The following PTPRN variants were observed in gnomAD, a reference collection of about 807,000 sequenced individuals.
PTPRN encodes receptor-type tyrosine-protein phosphatase-like N.
In PTPRN, 70 loss-of-function variants were observed where a neutral mutation model predicts 108.5. That is an observed-to-expected ratio of 0.65 (90% CI 0.53 to 0.79). PTPRN has a LOEUF of 0.79. Ranked by LOEUF, PTPRN falls within the 30% of genes least tolerant of loss-of-function variation. The pLI is 0.00. For missense variants in PTPRN, 1,136 were observed against 1,295.5 expected (o/e 0.88, Z 1.89); for synonymous variants, 496 against 524.6 (o/e 0.95, Z 0.75).
In PTPRN at chr2:219,296,466, C is replaced by T; in HGVS notation, c.2361G>A (p.Leu787=). ...GCCAGAAGTCTGCGATGGTATGGGA[C>T]AGCGGGCCCTGCGTGGCTATGTAGG... The part of the protein sequence containing the change: ...MPAYIATQGP[L]SHTIADFWQM... Residue 787 remains leucine (L), a synonymous_variant, in exon 17 of 23, where the codon CTG becomes CTA. Coordinates refer to ENST00000295718, the MANE Select transcript of PTPRN (RefSeq NM_002846.4). The surrounding 1 kb of genome is among the most constrained non-coding windows in gnomAD (Gnocchi z 6.0). 1 of 1,614,188 alleles carries T rather than the reference C, an allele frequency of 6.2e-7. No homozygotes were observed.
At chr2:219,293,505 T>A (rs1420511348) in intron 19 of PTPRN, among the ~76,000 whole-genome samples, 2 of 152,120 alleles carry the variant, frequency 1.3e-5, no homozygotes, top group Admixed American at 1.3e-4. Context: ...TAAGCAACAG[T>A]TTATTTGTTC....
chr2:219,308,732 A>C, intron 1 of PTPRN: 1 of 949,440 alleles, frequency 1.1e-6, no homozygotes, highest in Non-Finnish European at 1.4e-6. Context: ...CGCTGCAATC[A>C]GCTTCTCTAG....
Position 219,302,352 on chromosome 2 carries a change from G to A in PTPRN, c.779C>T (p.Ser260Phe). The A allele has an allele frequency of 6.2e-7, 1 of 1,613,768 alleles. No homozygotes were observed. Among genetic ancestry groups the A allele is most frequent in the South Asian group, 1.1e-5 (1 of 91,034 alleles). ...KGIFGDHPGHSYGDLPGPSPA... is the reference protein window; with the variant it reads ...KGIFGDHPGHFYGDLPGPSPA... ...TGAAGGCCCTGGAAGGTCCCCGTAG[G>A]AGTGGCCAGGGTGGTCCCCAAATAT... The change falls in exon 6 of 23, where the codon TCC becomes TTC. Residue 260 changes from serine (S) to phenylalanine (F), a missense_variant. Coordinates refer to ENST00000295718, the MANE Select transcript of PTPRN (RefSeq NM_002846.4).
At position 219,299,110 on chromosome 2, in the gene PTPRN, C is replaced by T. The variant is rs1404011733; in HGVS notation, c.1605G>A (p.Gly535=). Residue 535 remains glycine, a splice_region_variant and synonymous_variant, in exon 12 of 23, where the codon GGG becomes GGA. Coordinates refer to ENST00000295718, the MANE Select transcript of PTPRN (RefSeq NM_002846.4). The stretch of plus-strand genomic sequence containing the variant: ...GTGCTTCCAGTTCAGACTTCACCAG[C>T]CCTGCAGGGAGGACAAAGGTCAGGC... ...LSLADVTQQA[G]LVKSELEAQT... 6.2e-7 allele frequency: 1 copy of T among 1,614,222 alleles called. No individual in the cohort carries two copies. The highest frequency in any genetic ancestry group is 1.1e-5 in the South Asian group (1 of 91,084).
Position 219,302,717 on chromosome 2 carries a change from T to A in PTPRN, c.498A>T (p.Gly166=), listed in dbSNP as rs369607132. The A allele has an allele frequency of 3.4e-4, 543 of 1,613,348 alleles. 6 individuals are homozygous for A. In the South Asian group the frequency reaches 5.6e-3, roughly 17 times the overall value. Residue 166 remains glycine (G), a synonymous_variant, in exon 5 of 23, where the codon GGA becomes GGT. Transcript: ENST00000295718. The part of the protein sequence containing the change: ...RLPQPPVGKG[G]AGASSSLSPL... ...GGGACAGAGAGGAGCTGGCCCCAGC[T>A]CCACCTTTGCCCACTGGTGGTTGTG... is the stretch of plus-strand genomic sequence containing the variant.
In PTPRN at chr2:219,297,486, G is replaced by A; in HGVS notation, c.1888-53C>T. On this transcript the variant is annotated intron_variant, in intron 13 of 22. Coordinates refer to ENST00000295718, the MANE Select transcript of PTPRN (RefSeq NM_002846.4). The surrounding 1 kb of genome is among the most constrained non-coding windows in gnomAD (Gnocchi z 6.0). ...AAGAGTCCCCTGAAACTTTTCAACAGGGCCCTGGGTTCAACTCTGGGCTCC... is the reference window on the plus strand; with the variant it reads ...AAGAGTCCCCTGAAACTTTTCAACAAGGCCCTGGGTTCAACTCTGGGCTCC... 4 of 1,570,050 alleles carry A rather than the reference G, an allele frequency of 2.5e-6. No individual in the cohort carries two copies. Among genetic ancestry groups the A allele is most frequent in the Non-Finnish European group, 3.5e-6 (4 of 1,143,694 alleles).
intron 3 of PTPRN, among the ~76,000 whole-genome samples, chr2:219,306,860 C>T (rs1035349203): frequency 6.6e-6 from 1 of 152,238 alleles, no homozygotes; most frequent in Non-Finnish European, 1.5e-5. Context: ...CCTTAACCAC[C>T]TGATTTCCTC....
chr2:219,296,084 A>G lies in PTPRN; in HGVS notation c.2508+142T>C. 3 of 1,178,412 alleles carry G rather than the reference A, an allele frequency of 2.5e-6. No homozygotes were observed. The highest frequency in any genetic ancestry group is 3.7e-6 in the Non-Finnish European group (3 of 821,224). The allele number at this position is 1,178,412 out of a possible 1,614,324, so 73.0% of individuals were successfully genotyped here. ...CATATATGTGTTTATATATATTCAT[A>G]TATGTATGAATCATGAGCAGGGCCA... On this transcript the variant is annotated intron_variant, in intron 18 of 22. Coordinates refer to ENST00000295718, the MANE Select transcript of PTPRN (RefSeq NM_002846.4). This position sits in a 1 kb window ranked among gnomAD's most constrained non-coding sequence, Gnocchi z 6.0.
Position 219,290,424 on chromosome 2 carries a change from G to A in PTPRN, c.2868+114C>T. Reference sequence around the variant, plus strand: ...CTGGGAGGAAGGGAGCCCTCCTGGAGGAGGCGCAGAAGCAGGTGGGAAAGG... The same window carrying A: ...CTGGGAGGAAGGGAGCCCTCCTGGAAGAGGCGCAGAAGCAGGTGGGAAAGG... On this transcript the variant is annotated intron_variant, in intron 22 of 22. Coordinates refer to ENST00000295718, the MANE Select transcript of PTPRN (RefSeq NM_002846.4). This position sits in a 1 kb window ranked among gnomAD's most constrained non-coding sequence, Gnocchi z 4.2. The A allele has an allele frequency of 7.2e-7, 1 of 1,390,934 alleles. No homozygotes were observed. The highest frequency in any genetic ancestry group is 1.0e-6 in the Non-Finnish European group (1 of 1,002,762). The allele number at this position is 1,390,934 out of a possible 1,614,324, so 86.2% of individuals were successfully genotyped here.
Position 219,296,665 on chromosome 2 carries a change from T to C in PTPRN, c.2310+84A>G. On this transcript the variant is annotated intron_variant, in intron 16 of 22. Transcript: ENST00000295718. This position sits in a 1 kb window ranked among gnomAD's most constrained non-coding sequence, Gnocchi z 6.0. ...CCACCACTCCAGGGGGTTGGTGGGG[T>C]GGCAGGTGACCACGGGGAAATGGAG... is the stretch of plus-strand genomic sequence containing the variant. 1 of 1,570,122 alleles carries C rather than the reference T, an allele frequency of 6.4e-7. No individual in the cohort carries two copies. The highest frequency in any genetic ancestry group is 8.7e-7 in the Non-Finnish European group (1 of 1,147,602).
rs556028313 is a variant in PTPRN at position 219,307,910 on chromosome 2, G to A, written c.116-68C>T. 15 of 1,471,120 alleles carry A rather than the reference G, an allele frequency of 1.0e-5. No individual in the cohort carries two copies. In the South Asian group the frequency reaches 1.5e-4, roughly 15 times the overall value. 91.1% of individuals were successfully genotyped at this position (1,471,120 alleles called of 1,614,324 possible). A position where few individuals can be genotyped will look rare whatever the true frequency, so the allele number is the denominator to read the frequency against. On this transcript the variant is annotated intron_variant, in intron 1 of 22. Coordinates refer to ENST00000295718, the MANE Select transcript of PTPRN (RefSeq NM_002846.4). Reference sequence around the variant, plus strand: ...AGAGAATGGGCAGATGGGTGGACAGGCTGGGAACGGGAGAAGCAGATGCAA... The same window carrying A: ...AGAGAATGGGCAGATGGGTGGACAGACTGGGAACGGGAGAAGCAGATGCAA...
rs1952568074 is a variant in PTPRN, at chr2:219,309,294, G to A, written c.39C>T (p.Ser13=). The change falls in exon 1 of 23, where the codon TCC becomes TCT. Residue 13 remains serine (S), a synonymous_variant. Transcript: ENST00000295718. ...RPRRPGGLGG[S]GGLRLLLCLL... ...GGCAGAGGAGCAGCCGGAGACCCCCGGATCCCCCGAGACCCCCAGGCCGCC... is the reference window on the plus strand; with the variant it reads ...GGCAGAGGAGCAGCCGGAGACCCCCAGATCCCCCGAGACCCCCAGGCCGCC... The A allele has an allele frequency of 2.7e-6, 4 of 1,460,896 alleles. No homozygotes were observed. Among genetic ancestry groups the A allele is most frequent in the East Asian group, 2.8e-5 (1 of 35,142 alleles). The allele number at this position is 1,460,896 out of a possible 1,614,324, so 90.5% of individuals were successfully genotyped here. A position where few individuals can be genotyped will look rare whatever the true frequency, so the allele number is the denominator to read the frequency against.
intron 20 of PTPRN, 137 bp downstream of exon 20, chr2:219,291,333 T>G (rs564787903): frequency 2.2e-6 from 2 of 920,990 alleles, no homozygotes; most frequent in Admixed American, 3.8e-5. Flanking sequence ...GCTTAGGTCT[T>G]GGCCATTAAA....
chr2:219,302,317 G>T lies in PTPRN; in HGVS notation c.814C>A (p.Leu272Ile). The T allele has an allele frequency of 6.2e-7, 1 of 1,613,956 alleles. No homozygotes were observed. Among genetic ancestry groups the T allele is most frequent in the South Asian group, 1.1e-5 (1 of 91,070 alleles). ...GDLPGPSPAQ[L>I]FQDSGLLYLA... ...TAGAGCAGCCCAGAGTCTTGAAAAA[G>T]CTGGGCAGGTGAAGGCCCTGGAAGG... The change falls in exon 6 of 23, where the codon CTT (leucine) becomes ATT (isoleucine). Residue 272 changes from leucine to isoleucine, a missense_variant. Physicochemically the swap from Leu to Ile is conservative, Grantham distance 5. Transcript: ENST00000295718.
chr2:219,308,356 C>T (rs904205332), intron 1 of PTPRN: 2 of 173,080 alleles, frequency 1.2e-5, no homozygotes, highest in Middle Eastern at 2.6e-3. Flanking sequence ...AGTCTGGCGC[C>T]GCCAAGGGCT....
At position 219,305,477 on chromosome 2, in the gene PTPRN, G is replaced by A. The variant is rs116028084; in HGVS notation, c.281-1646C>T. On this transcript the variant is annotated intron_variant, in intron 3 of 22. Transcript: ENST00000295718. ...AGGCTGGTCTCGAACTCCTGAGCTC[G>A]TGACCTGCCTGCCCCAGCCTCCTAA... Among the ~76,000 whole-genome samples the A allele has an allele frequency of 4.5e-3, 685 of 152,060 alleles. 7 individuals carry two copies. The highest frequency in any genetic ancestry group is 0.016 in the African/African-American group (655 of 41,470).
Position 219,309,353 on chromosome 2 carries a change from C to G in PTPRN, c.-21G>C. The G allele has an allele frequency of 7.7e-7, 1 of 1,303,942 alleles. No homozygotes were observed. The highest frequency in any genetic ancestry group is 1.5e-5 in the South Asian group (1 of 67,568). 80.8% of individuals were successfully genotyped at this position (1,303,942 alleles called of 1,614,324 possible). On this transcript the variant is annotated 5_prime_UTR_variant, in exon 1 of 23. Coordinates refer to ENST00000295718, the MANE Select transcript of PTPRN (RefSeq NM_002846.4). ...CGCATCTTTCCGAGCTCCGGGCGCT[C>G]GCTCCCGGGCCGGAGCCGCAGCGAC...
At chr2:219,295,971 ACAG>A (rs1343801898) in intron 18 of PTPRN, 1 of 438,010 alleles carries the variant, frequency 2.3e-6, no homozygotes, top group Non-Finnish European at 3.8e-6. Flanking sequence ...TTGACTCTAG[ACAG>A]GACACACACA....
chr2:219,309,370 C>G lies in PTPRN; in HGVS notation c.-38G>C. Reference sequence around the variant, plus strand: ...CGGGCGCTCGCTCCCGGGCCGGAGCCGCAGCGACGCTGGCGGGAGCCTGCC... The same window carrying G: ...CGGGCGCTCGCTCCCGGGCCGGAGCGGCAGCGACGCTGGCGGGAGCCTGCC... On this transcript the variant is annotated 5_prime_UTR_variant, in exon 1 of 23. Transcript: ENST00000295718. 3 of 1,133,222 alleles carry G rather than the reference C, an allele frequency of 2.6e-6. No homozygotes were observed. In the South Asian group the frequency reaches 5.1e-5, roughly 19 times the overall value. The allele number at this position is 1,133,222 out of a possible 1,614,324, so 70.2% of individuals were successfully genotyped here.
Sources: allele counts gnomAD v4.1 joint callset (sites outside exome capture counted in the v4.1 genomes callset), GRCh38; gene constraint gnomAD v4.1.1; non-coding constraint Gnocchi (gnomAD v3.1); transcripts MANE v1.5; gene names NCBI Gene and HGNC (gene_info 2026-07-23, HGNC 2026-07-21).